RRAGC: variants seen among roughly 807,000 people sequenced by gnomAD.
RRAGC encodes Ras related GTP binding C.
A neutral mutation model predicts 37.1 loss-of-function variants in RRAGC; 8 were observed. The ratio of observed to expected loss-of-function variants is 0.22; its 90% CI spans 0.13 to 0.39. The LOEUF is 0.39. RRAGC is among the 10% of genes least tolerant of loss of function. RRAGC has a pLI of 1.00. For synonymous variants in RRAGC, 190 were observed against 181.1 expected (o/e 1.05, Z -0.39); for missense variants, 342 against 497.6 (o/e 0.69, Z 2.98).
chr1:38,855,140 TTTA>T (rs1476846194), intron 3 of RRAGC, among the ~76,000 whole-genome samples: 1 of 152,178 alleles, frequency 6.6e-6, no homozygotes, highest in Admixed American at 6.5e-5. Flanking sequence ...TAAGCCAAAC[TTTA>T]TAGAGTTTCA....
intron 3 of RRAGC, among the ~76,000 whole-genome samples, chr1:38,854,425 T>G (rs1220256653): frequency 6.6e-6 from 1 of 152,086 alleles, no homozygotes; most frequent in East Asian, 1.9e-4. Context: ...GGACCCTACA[T>G]GGTACTGAGG....
intron 1 of RRAGC, 108 bp downstream of exon 1, chr1:38,859,302 G>T (rs1184911551): frequency 9.7e-7 from 1 of 1,031,364 alleles, no homozygotes; most frequent in Non-Finnish European, 1.4e-6. Flanking sequence ...AGAAAGTGCG[G>T]AGGGACGGAG....
At chr1:38,857,378 G>C (rs1051551238) in intron 1 of RRAGC, among the ~76,000 whole-genome samples, 1 of 152,094 alleles carries the variant, frequency 6.6e-6, no homozygotes, top group Non-Finnish European at 1.5e-5. Context: ...TTTTCTGGGG[G>C]AAAGCTAACA....
rs542086139 is a variant in RRAGC at position 38,839,215 on chromosome 1, A to G, written c.*338T>C. On this transcript the variant is annotated 3_prime_UTR_variant, in exon 7 of 7. Coordinates refer to ENST00000373001, the MANE Select transcript of RRAGC (RefSeq NM_022157.4). ...ATTATTTTCAACTGGAATTGATGGC[A>G]ACATTCCCTGGTAAGGATGGGTAAC... 5 of 221,268 alleles carry G rather than the reference A, an allele frequency of 2.3e-5. No individual in the cohort carries two copies. In the South Asian group the frequency reaches 8.7e-4, roughly 39 times the overall value. The allele number at this position is 221,268 out of a possible 1,614,324, so 13.7% of individuals were successfully genotyped here.
At chr1:38,853,991 T>C (rs1642134655) in intron 3 of RRAGC, among the ~76,000 whole-genome samples, 1 of 152,096 alleles carries the variant, frequency 6.6e-6, no homozygotes, top group Non-Finnish European at 1.5e-5. Flanking sequence ...CAGGGCATTT[T>C]AGTAAACTGA....
chr1:38,859,300 C>T, intron 1 of RRAGC, 110 bp downstream of exon 1: 2 of 1,013,330 alleles, frequency 2.0e-6, no homozygotes. Context: ...AGAGAAAGTG[C>T]GGAGGGACGG....
At chr1:38,842,055 G>A (rs34677404) in intron 6 of RRAGC, among the ~76,000 whole-genome samples, 12,568 of 151,814 alleles carry the variant, frequency 0.083, 550 homozygotes, top group Middle Eastern at 0.16. Flanking sequence ...GGTGGATCAC[G>A]AGGTCAGGAG....
In RRAGC at chr1:38,857,094, A is replaced by C; in HGVS notation, c.238-12T>G. 1 of 1,574,980 alleles carries C rather than the reference A, an allele frequency of 6.3e-7. No homozygotes were observed. Among genetic ancestry groups the C allele is most frequent in the Non-Finnish European group, 8.7e-7 (1 of 1,145,468 alleles). On this transcript the variant is annotated splice_polypyrimidine_tract_variant and intron_variant, in intron 1 of 6. Transcript: ENST00000373001. Reference sequence around the variant, plus strand: ...TTATGAAACACCACCTGTTAAAAGAAAACAGGCAATTTTATGACTATTAAA... The same window carrying C: ...TTATGAAACACCACCTGTTAAAAGACAACAGGCAATTTTATGACTATTAAA...
At chr1:38,842,102 C>T (rs1266153181) in intron 6 of RRAGC, among the ~76,000 whole-genome samples, 1 of 152,184 alleles carries the variant, frequency 6.6e-6, no homozygotes, top group Non-Finnish European at 1.5e-5. Flanking sequence ...GAAACCCCTT[C>T]TGTACTAAAA....
chr1:38,857,255 A>G (rs915447431), intron 1 of RRAGC, among the ~76,000 whole-genome samples, 173 bp from the exon 2 acceptor site: 6 of 152,222 alleles, frequency 3.9e-5, no homozygotes, highest in African/African-American at 9.6e-5. Flanking sequence ...TTTTGACAAA[A>G]GAAGACACCA....
chr1:38,851,626 A>T lies in RRAGC; in HGVS notation c.888T>A (p.Ser296=). The change falls in exon 5 of 7, where the codon TCT becomes TCA. Residue 296 remains serine (S), a synonymous_variant. Transcript: ENST00000373001. ...CDMIDVVIDV[S]CIYGLKEDGS... is the part of the protein sequence containing the mutation. The stretch of plus-strand genomic sequence containing the variant: ...TATACATAACTTACCCATATATACA[A>T]GACACATCAATTACAACATCGATCA... 1 of 1,557,624 alleles carries T rather than the reference A, an allele frequency of 6.4e-7. No individual in the cohort carries two copies. The highest frequency in any genetic ancestry group is 1.2e-5 in the South Asian group (1 of 80,864).
chr1:38,859,747 AC>A lies in RRAGC; in HGVS notation c.-102del. On this transcript the variant is annotated 5_prime_UTR_variant, in exon 1 of 7. Transcript: ENST00000373001. ...CTCCGCCGCCGCCGCCACCACCGCC[AC>A]CGCCCCCGGCAGCCGCCACAGTCCG... 1 of 1,044,954 alleles carries A rather than the reference AC, an allele frequency of 9.6e-7. No homozygotes were observed. Among genetic ancestry groups the A allele is most frequent in the Non-Finnish European group, 1.2e-6 (1 of 828,286 alleles). 64.7% of individuals were successfully genotyped at this position (1,044,954 alleles called of 1,614,324 possible). A position where few individuals can be genotyped will look rare whatever the true frequency, so the allele number is the denominator to read the frequency against.
At chr1:38,840,344 T>C (rs1364331791) in intron 6 of RRAGC, among the ~76,000 whole-genome samples, 2 of 152,202 alleles carry the variant, frequency 1.3e-5, no homozygotes, top group African/African-American at 2.4e-5. Flanking sequence ...TGCTTGAACA[T>C]AGTGTGATCT....
At chr1:38,855,379 G>A (rs185112238) in intron 3 of RRAGC, among the ~76,000 whole-genome samples, 18 of 152,240 alleles carry the variant, frequency 1.2e-4, no homozygotes, top group Non-Finnish European at 2.5e-4. Flanking sequence ...GATGCAAGGC[G>A]GGGAAAAGTA....
chr1:38,852,068 C>T (rs1193332011), intron 4 of RRAGC, among the ~76,000 whole-genome samples: 4 of 152,220 alleles, frequency 2.6e-5, no homozygotes, highest in African/African-American at 9.6e-5. Flanking sequence ...AGCAATGCTA[C>T]ATTTTCAATA....
At chr1:38,841,903 G>A (rs1033837209) in intron 6 of RRAGC, among the ~76,000 whole-genome samples, 1 of 152,156 alleles carries the variant, frequency 6.6e-6, no homozygotes, top group African/African-American at 2.4e-5. Flanking sequence ...TTGGGAGGCC[G>A]AGGCAGGCAG....
intron 1 of RRAGC, among the ~76,000 whole-genome samples, chr1:38,857,967 A>C (rs1422050058): frequency 1.4e-5 from 2 of 147,472 alleles, no homozygotes; most frequent in African/African-American, 2.5e-5. Flanking sequence ...ACAAACAAAC[A>C]AAAAAAAAAG....
Position 38,846,106 on chromosome 1 carries a change from CT to C in RRAGC, c.900-20del. 1 of 1,592,114 alleles carries C rather than the reference CT, an allele frequency of 6.3e-7. No individual in the cohort carries two copies. The highest frequency in any genetic ancestry group is 1.1e-5 in the South Asian group (1 of 87,580). ...CTTTAACCTATTTTAAAAGAAAGTA[CT>C]ATTCATTACAGGTTTCCCATCTAGG... On this transcript the variant is annotated intron_variant, in intron 5 of 6. Coordinates refer to ENST00000373001, the MANE Select transcript of RRAGC (RefSeq NM_022157.4).
At chr1:38,859,151 C>T (rs1642202849) in intron 1 of RRAGC, among the ~76,000 whole-genome samples, 1 of 152,260 alleles carries the variant, frequency 6.6e-6, no homozygotes, top group Non-Finnish European at 1.5e-5. Context: ...GGGCGGAGGT[C>T]TTGGGCGGTG....
Sources: allele counts gnomAD v4.1 joint callset (sites outside exome capture counted in the v4.1 genomes callset), GRCh38; gene constraint gnomAD v4.1.1; transcripts MANE v1.5; gene names NCBI Gene and HGNC (gene_info 2026-07-23, HGNC 2026-07-21).